The following DNAJC14 variants were observed in gnomAD, a reference collection of about 807,000 sequenced individuals.
DNAJC14 encodes the protein dnaJ homolog subfamily C member 14.
DNAJC14 carries 12 observed loss-of-function variants against 68.8 expected under a neutral mutation model. The observed-to-expected ratio is 0.17, with a 90% CI of 0.11 to 0.28. The LOEUF is 0.28. DNAJC14 is among the 10% of genes least tolerant of loss of function. The pLI, the probability that DNAJC14 is intolerant of heterozygous loss-of-function variation, is 1.00. For synonymous variants in DNAJC14, 350 were observed against 321.5 expected, an observed-to-expected ratio of 1.09 and a Z score of -0.95; for missense variants, 764 against 875.6, an observed-to-expected ratio of 0.87 and a Z score of 1.61.
chr12:55,829,196 C>G (rs561042228), intron 1 of DNAJC14: 2 of 984,520 alleles, frequency 2.0e-6, no homozygotes, highest in Non-Finnish European at 2.4e-6. Context: ...CCTGTAATCC[C>G]AGCACTTTGG....
chr12:55,822,580 T>G lies in DNAJC14; in HGVS notation c.1787A>C (p.Asp596Ala), dbSNP rs1880697957. ...YFALMDGKVY[D>A]ITEWAGCQRV... Reference sequence around the variant, plus strand: ...TAGAGGACAGAGAGTACCTGTGATGTCATACACCTTTCCATCCATCAGTGC... The same window carrying G: ...TAGAGGACAGAGAGTACCTGTGATGGCATACACCTTTCCATCCATCAGTGC... The change falls in exon 5 of 7, where the codon GAC becomes GCC. Residue 596 changes from aspartate (D) to alanine (A), a missense_variant. This residue lies in a region of DNAJC14 where 134 missense variants were observed against 162.3 expected (regional missense o/e 0.83). Coordinates refer to ENST00000678005, the MANE Select transcript of DNAJC14 (RefSeq NM_032364.6). 6.2e-7 allele frequency: 1 copy of G among 1,614,124 alleles called. No homozygotes were observed. Among genetic ancestry groups the G allele is most frequent in the Non-Finnish European group, 8.5e-7 (1 of 1,180,048 alleles).
chr12:55,827,675 A>C lies in DNAJC14; in HGVS notation c.984T>G (p.Gly328=). The C allele has an allele frequency of 6.2e-7, 1 of 1,613,994 alleles. No homozygotes were observed. The highest frequency in any genetic ancestry group is 8.5e-7 in the Non-Finnish European group (1 of 1,179,956). ...GLFTRFLKLL[G]ALLLLALALF... ...GGGCCAGAGCCAGGAGCAGCAAAGC[A>C]CCCAGCAGCTTAAGAAAACGAGTAA... The change falls in exon 2 of 7, where the codon GGT becomes GGG. Residue 328 remains glycine (G), a synonymous_variant. Transcript: ENST00000678005.
intron 5 of DNAJC14, 31 bp from the exon 6 acceptor site, chr12:55,822,506 G>A (rs775497307): frequency 2.2e-5 from 35 of 1,613,468 alleles, no homozygotes; most frequent in Middle Eastern, 1.6e-4. Context: ...TAGCCAAAAC[G>A]TCGCAGTTTA....
chr12:55,827,280 T>C lies in DNAJC14; in HGVS notation c.1379A>G (p.Lys460Arg), dbSNP rs1880823339. ...CACTGCCAGCTGTCTATAGGCCTTC[T>C]TCAGTTCAACATCTGATGCTGTGGC... The part of the protein sequence containing the change: ...VEATASDVEL[K>R]KAYRQLAVMV... The change falls in exon 2 of 7, where the codon AAG (lysine) becomes AGG (arginine). Residue 460 changes from lysine (K) to arginine (R), a missense_variant. Physicochemically the swap from Lys to Arg is conservative, Grantham distance 26 (BLOSUM62 2). Around this residue, in one of 4 missense-constraint regions of DNAJC14, gnomAD observed 110 missense variants for 162.7 expected, o/e 0.68. Transcript: ENST00000678005. The C allele has an allele frequency of 6.4e-7, 1 of 1,562,544 alleles. No homozygotes were observed. Among genetic ancestry groups the C allele is most frequent in the Non-Finnish European group, 8.7e-7 (1 of 1,153,228 alleles).
rs1232645674 is a variant in DNAJC14, at chr12:55,823,526, T to G, written c.1408-18A>C. 2 of 1,606,556 alleles carry G rather than the reference T, an allele frequency of 1.2e-6. No homozygotes were observed. ...GGATGAACCTACCAAGACAGAGAGA[T>G]TTCATTACAAATCCATTCCAACCCT... On this transcript the variant is annotated intron_variant, in intron 2 of 6. Transcript: ENST00000678005.
upstream of DNAJC14, chr12:55,829,809 G>A: frequency 6.1e-6 from 1 of 164,160 alleles, no homozygotes; most frequent in Non-Finnish European, 1.3e-5. Context: ...CCCGCAGGTT[G>A]CACCGCAGGA....
In DNAJC14 at chr12:55,821,861, A is replaced by T; in HGVS notation, c.*116T>A. On this transcript the variant is annotated 3_prime_UTR_variant, in exon 7 of 7. Transcript: ENST00000678005. ...ACAGAGCAAGACTCCATCTCAAAAA[A>T]TAAAAAGAAAAAGATTCAGTTCCTA... 7 of 1,213,838 alleles carry T rather than the reference A, an allele frequency of 5.8e-6. No individual in the cohort carries two copies. The highest frequency in any genetic ancestry group is 1.5e-5 in the African/African-American group (1 of 65,034). 75.2% of individuals were successfully genotyped at this position (1,213,838 alleles called of 1,614,324 possible).
chr12:55,827,315 C>T lies in DNAJC14; in HGVS notation c.1344G>A (p.Leu448=). The T allele has an allele frequency of 6.2e-7, 1 of 1,603,112 alleles. No individual in the cohort carries two copies. The highest frequency in any genetic ancestry group is 8.5e-7 in the Non-Finnish European group (1 of 1,174,248). ...CATCTGATGCTGTGGCCTCAACCCCCAGTACATGGAAAGGGTTTAGCTCAT... is the reference window on the plus strand; with the variant it reads ...CATCTGATGCTGTGGCCTCAACCCCTAGTACATGGAAAGGGTTTAGCTCAT... The part of the protein sequence containing the change: ...PEDELNPFHV[L]GVEATASDVE... The change falls in exon 2 of 7, where the codon CTG becomes CTA. Residue 448 remains leucine, a synonymous_variant. Coordinates refer to ENST00000678005, the MANE Select transcript of DNAJC14 (RefSeq NM_032364.6).
In DNAJC14 at chr12:55,821,877, T is replaced by C; in HGVS notation, c.*100A>G. ...TCTCAAAAAATAAAAAGAAAAAGAT[T>C]CAGTTCCTAGGTGTTGGGGGAGGAG... is the stretch of plus-strand genomic sequence containing the variant. On this transcript the variant is annotated 3_prime_UTR_variant, in exon 7 of 7. Transcript: ENST00000678005. The C allele has an allele frequency of 7.9e-7, 1 of 1,259,846 alleles. No homozygotes were observed. The highest frequency in any genetic ancestry group is 1.5e-5 in the African/African-American group (1 of 65,750). The allele number at this position is 1,259,846 out of a possible 1,614,324, so 78.0% of individuals were successfully genotyped here.
rs534419660 is a variant in DNAJC14, at chr12:55,821,862, TAAAAAG to T, written c.*109_*114del. Reference sequence around the variant, plus strand: ...CAGAGCAAGACTCCATCTCAAAAAATAAAAAGAAAAAGATTCAGTTCCTAGGTGTTG... The same window carrying T: ...CAGAGCAAGACTCCATCTCAAAAAATAAAAAGATTCAGTTCCTAGGTGTTG... On this transcript the variant is annotated 3_prime_UTR_variant, in exon 7 of 7. Coordinates refer to ENST00000678005, the MANE Select transcript of DNAJC14 (RefSeq NM_032364.6). The T allele has an allele frequency of 4.1e-4, 502 of 1,212,858 alleles. 3 individuals are homozygous for T. In the South Asian group the frequency reaches 7.0e-3, roughly 17 times the overall value. The allele number at this position is 1,212,858 out of a possible 1,614,324, so 75.1% of individuals were successfully genotyped here. A position where few individuals can be genotyped will look rare whatever the true frequency, so the allele number is the denominator to read the frequency against.
upstream of DNAJC14, chr12:55,829,737 T>A: frequency 4.6e-6 from 2 of 436,748 alleles, no homozygotes; most frequent in Non-Finnish European, 6.1e-6. Flanking sequence ...AAGGAGGCGG[T>A]CCTAAGGAAG....
rs1880911344 is a variant in DNAJC14, at chr12:55,829,509, T to TC, written c.-78dup. On this transcript the variant is annotated 5_prime_UTR_variant, in exon 1 of 7. Transcript: ENST00000678005. ...CGTACCGAAGAACGGCGGTAACTCC[T>TC]CCCCCTCGAGCCGCCCGGCCTGGGG... 1.0e-6 allele frequency: 1 copy of TC among 978,066 alleles called. No homozygotes were observed. The highest frequency in any genetic ancestry group is 6.4e-5 in the Admixed American group (1 of 15,686). The allele number at this position is 978,066 out of a possible 1,614,324, so 60.6% of individuals were successfully genotyped here.
chr12:55,822,343 G>A (rs1565688503), intron 6 of DNAJC14, 30 bp downstream of exon 6: 1 of 1,602,694 alleles, frequency 6.2e-7, no homozygotes, highest in East Asian at 2.2e-5. Context: ...CTGAAATAGT[G>A]GATAGATTAT....
At position 55,821,781 on chromosome 12, in the gene DNAJC14, C is replaced by T. The variant is rs137920300; in HGVS notation, c.*196G>A. ...CTGAGATGGGAGAATTGCTTGAACCCGGGAGACAGAGGTTGCAGTAAGCTG... is the reference window on the plus strand; with the variant it reads ...CTGAGATGGGAGAATTGCTTGAACCTGGGAGACAGAGGTTGCAGTAAGCTG... On this transcript the variant is annotated 3_prime_UTR_variant, in exon 7 of 7. Coordinates refer to ENST00000678005, the MANE Select transcript of DNAJC14 (RefSeq NM_032364.6). 6,596 of 442,086 alleles carry T rather than the reference C, an allele frequency of 0.015. 79 individuals carry two copies. Among genetic ancestry groups the T allele is most frequent in the Non-Finnish European group, 0.018 (4,701 of 265,134 alleles). 27.4% of individuals were successfully genotyped at this position (442,086 alleles called of 1,614,324 possible). A position where few individuals can be genotyped will look rare whatever the true frequency, so the allele number is the denominator to read the frequency against.
At chr12:55,829,025 A>G (rs988810751) in intron 1 of DNAJC14, 43 of 863,060 alleles carry the variant, frequency 5.0e-5, no homozygotes, top group Non-Finnish European at 6.0e-5. Flanking sequence ...AATGGGAAAG[A>G]CCGCCGGAAA....
Position 55,828,734 on chromosome 12 carries a change from G to A in DNAJC14, c.-56-20C>T. On this transcript the variant is annotated intron_variant, in intron 1 of 6. Coordinates refer to ENST00000678005, the MANE Select transcript of DNAJC14 (RefSeq NM_032364.6). ...TGATGCCTGTAACAGATATCAAGGTGGAGACAGTCAAGGATGAGACCAAGA... is the reference window on the plus strand; with the variant it reads ...TGATGCCTGTAACAGATATCAAGGTAGAGACAGTCAAGGATGAGACCAAGA... 1 of 1,495,620 alleles carries A rather than the reference G, an allele frequency of 6.7e-7. No homozygotes were observed. The highest frequency in any genetic ancestry group is 8.9e-7 in the Non-Finnish European group (1 of 1,121,046). 92.6% of individuals were successfully genotyped at this position (1,495,620 alleles called of 1,614,324 possible). A position where few individuals can be genotyped will look rare whatever the true frequency, so the allele number is the denominator to read the frequency against.
intron 3 of DNAJC14, 99 bp from the exon 4 acceptor site, chr12:55,823,288 CA>C: frequency 6.2e-7 from 1 of 1,600,150 alleles, no homozygotes. Flanking sequence ...GCGAGAAAGA[CA>C]AGTGACTTCA....
At position 55,827,598 on chromosome 12, in the gene DNAJC14, T is replaced by C. The variant is rs1340850078; in HGVS notation, c.1061A>G (p.Asp354Gly). The change falls in exon 2 of 7, where the codon GAC becomes GGC. Residue 354 changes from aspartate to glycine, a missense_variant. Coordinates refer to ENST00000678005, the MANE Select transcript of DNAJC14 (RefSeq NM_032364.6). The stretch of plus-strand genomic sequence containing the variant: ...AGCCTTATCCCTCCAGCCTAACCGG[T>C]CACCTAGTCCCACCAGAAACCGCCA... Reference protein sequence around the residue: ...LGWRFLVGLGDRLGWRDKATW... With the variant: ...LGWRFLVGLGGRLGWRDKATW... The C allele has an allele frequency of 6.8e-6, 11 of 1,606,046 alleles. No homozygotes were observed. Among genetic ancestry groups the C allele is most frequent in the Non-Finnish European group, 9.4e-6 (11 of 1,174,208 alleles).
At chr12:55,825,645 A>G (rs1174108592) in intron 2 of DNAJC14, among the ~76,000 whole-genome samples, 1 of 146,302 alleles carries the variant, frequency 6.8e-6, no homozygotes, top group Non-Finnish European at 1.5e-5. Context: ...CCAGGTTTAC[A>G]CCATTCTCCT....
Sources: gnomAD v4.1 joint callset for allele counts (sites outside exome capture counted in the v4.1 genomes callset) on GRCh38, gnomAD v4.1.1 for gene constraint, gnomAD v4.1.1 regional missense constraint, MANE v1.5 for transcripts, NCBI Gene and HGNC (gene_info 2026-07-23, HGNC 2026-07-21) for gene names.